The following CDCA3 variants were observed in gnomAD, a reference collection of about 807,000 sequenced individuals.
CDCA3 encodes the protein cell division cycle-associated protein 3.
In CDCA3, 16 loss-of-function variants were observed where a neutral mutation model predicts 29.1. The observed-to-expected ratio is 0.55, with a 90% CI of 0.37 to 0.83. The LOEUF (loss-of-function observed/expected upper bound fraction) is 0.83. Among genes scored for constraint, CDCA3 ranks in the 40% least tolerant of loss-of-function variants. CDCA3 has a pLI of 0.00. For missense variants in CDCA3, 291 were observed against 327.2 expected (o/e 0.89, Z 0.85); for synonymous variants, 88 against 124.5 (o/e 0.71, Z 1.95).
At chr12:6,847,053 G>T, downstream of CDCA3, 1 of 597,106 alleles carries the variant, frequency 1.7e-6, no homozygotes, top group Non-Finnish European at 3.0e-6. Context: ...CTGTGCCTTT[G>T]GGAGGCAGCA....
chr12:6,849,709 C>T lies in CDCA3; in HGVS notation c.400G>A (p.Glu134Lys). The change falls in exon 4 of 6, where the codon GAA (glutamate) becomes AAA (lysine). Residue 134 changes from glutamate (E) to lysine (K), a missense_variant. Coordinates refer to ENST00000538862, the MANE Select transcript of CDCA3 (RefSeq NM_031299.7). This position sits in a 1 kb window ranked among gnomAD's most constrained non-coding sequence, Gnocchi z 5.2. ...LPLGTQLSVE[E>K]QMPPWNQTEF... ...GTCTGGTTCCAAGGTGGCATCTGTT[C>T]CTCAACAGATAACTGGGTACCCAGA... The T allele has an allele frequency of 6.2e-7, 1 of 1,614,038 alleles. No homozygotes were observed. The highest frequency in any genetic ancestry group is 8.5e-7 in the Non-Finnish European group (1 of 1,179,976).
chr12:6,845,109 T>G (rs1294595264), downstream of CDCA3: 1 of 153,698 alleles, frequency 6.5e-6, no homozygotes, highest in Non-Finnish European at 1.4e-5. Context: ...TTTCCCACCT[T>G]TGTCTTTTAT....
In CDCA3 at chr12:6,849,390, A is replaced by G; in HGVS notation, c.584T>C (p.Val195Ala). The G allele has an allele frequency of 6.2e-7, 1 of 1,603,696 alleles. No homozygotes were observed. Among genetic ancestry groups the G allele is most frequent in the Non-Finnish European group, 8.5e-7 (1 of 1,174,800 alleles). Residue 195 changes from valine (V) to alanine (A), a missense_variant, in exon 5 of 6, where the codon GTA becomes GCA. By Grantham distance (64) the Val-to-Ala change is moderately conservative. Transcript: ENST00000538862. This position sits in a 1 kb window ranked among gnomAD's most constrained non-coding sequence, Gnocchi z 5.2. The stretch of plus-strand genomic sequence containing the variant: ...GATGGTGAGGGGGGATCTCCCTAGT[A>G]CCTTGCTGCTGTTTGGTTTCCATCT... Reference protein sequence around the residue: ...RNRWKPNSSKVLGRSPLTILQ... With the variant: ...RNRWKPNSSKALGRSPLTILQ...
chr12:6,847,768 T>C (rs558007879), downstream of CDCA3, among the ~76,000 whole-genome samples: 10 of 152,184 alleles, frequency 6.6e-5, no homozygotes, highest in Admixed American at 1.3e-4. Context: ...CTCAGAAAGA[T>C]TGCTCCAGAT....
At position 6,849,109 on chromosome 12, in the gene CDCA3, T is replaced by C. The variant is rs782164674; in HGVS notation, c.741A>G (p.Gly247=). 3.3e-6 allele frequency: 5 copies of C among 1,528,164 alleles called. No homozygotes were observed. The African/African-American group carries it at 6.8e-5, about 21-fold the overall frequency. The allele number at this position is 1,528,164 out of a possible 1,614,324, so 94.7% of individuals were successfully genotyped here. A position where few individuals can be genotyped will look rare whatever the true frequency, so the allele number is the denominator to read the frequency against. ...LGTGRLLKTG[G]RAWEQGQDHD... ...GGTCCTGGCCTTGCTCCCATGCTCG[T>C]CCTCCAGTTTTCAGAAGTCGTCCAG... is the stretch of plus-strand genomic sequence containing the variant. The change falls in exon 6 of 6, where the codon GGA becomes GGG. Residue 247 remains glycine, a synonymous_variant. Coordinates refer to ENST00000538862, the MANE Select transcript of CDCA3 (RefSeq NM_031299.7). The surrounding 1 kb of genome is among the most constrained non-coding windows in gnomAD (Gnocchi z 5.2).
Position 6,850,378 on chromosome 12 carries a change from T to C in CDCA3, c.250+89A>G. 6.5e-7 allele frequency: 1 copy of C among 1,548,978 alleles called. No individual in the cohort carries two copies. The highest frequency in any genetic ancestry group is 8.8e-7 in the Non-Finnish European group (1 of 1,130,840). Reference sequence around the variant, plus strand: ...CCGAAGCAGGAGGATAGAGGCCCCTTTAAGGAACCCTGAGAGAATGGCTTC... The same window carrying C: ...CCGAAGCAGGAGGATAGAGGCCCCTCTAAGGAACCCTGAGAGAATGGCTTC... On this transcript the variant is annotated intron_variant, in intron 3 of 5. Transcript: ENST00000538862. The surrounding 1 kb of genome is among the most constrained non-coding windows in gnomAD (Gnocchi z 4.7).
In CDCA3 at chr12:6,851,233, T is replaced by A. The variant is rs947692440; in HGVS notation, c.-69A>T. ...TTCAAATCACTTACCGGGCCCCAATTCCACCTCTGGATGCACAACAGCTCG... is the reference window on the plus strand; with the variant it reads ...TTCAAATCACTTACCGGGCCCCAATACCACCTCTGGATGCACAACAGCTCG... On this transcript the variant is annotated 5_prime_UTR_variant, in exon 1 of 6. Transcript: ENST00000538862. 2.6e-5 allele frequency: 31 copies of A among 1,207,248 alleles called. No individual in the cohort carries two copies. The highest frequency in any genetic ancestry group is 3.2e-5 in the Non-Finnish European group (31 of 966,758). 74.8% of individuals were successfully genotyped at this position (1,207,248 alleles called of 1,614,324 possible). A position where few individuals can be genotyped will look rare whatever the true frequency, so the allele number is the denominator to read the frequency against.
chr12:6,845,948 G>T, downstream of CDCA3: 1 of 641,082 alleles, frequency 1.6e-6, no homozygotes, highest in Non-Finnish European at 2.8e-6. Context: ...CTGGAATCCA[G>T]TACCCCTTGG....
downstream of CDCA3, chr12:6,847,115 C>T: frequency 1.8e-6 from 1 of 544,604 alleles, no homozygotes; most frequent in Non-Finnish European, 3.3e-6. Context: ...GGCCTTCCCT[C>T]CCCACAGTCC....
chr12:6,846,057 A>C, downstream of CDCA3: 2 of 494,472 alleles, frequency 4.0e-6, no homozygotes, highest in Non-Finnish European at 7.3e-6. Flanking sequence ...TCTGTGGACC[A>C]TGACTGTCCA....
chr12:6,849,381 C>A lies in CDCA3; in HGVS notation c.593G>T (p.Arg198Ile). 1 of 1,604,088 alleles carries A rather than the reference C, an allele frequency of 6.2e-7. No individual in the cohort carries two copies. The change falls in exon 5 of 6, where the codon AGA becomes ATA. Residue 198 changes from arginine (R) to isoleucine (I), a missense_variant. Transcript: ENST00000538862. The surrounding 1 kb of genome is among the most constrained non-coding windows in gnomAD (Gnocchi z 5.2). The stretch of plus-strand genomic sequence containing the variant: ...ATCCTGCAGGATGGTGAGGGGGGAT[C>A]TCCCTAGTACCTTGCTGCTGTTTGG... ...WKPNSSKVLG[R>I]SPLTILQDDN...
chr12:6,845,278 C>T (rs1036082199), downstream of CDCA3: 24 of 356,098 alleles, frequency 6.7e-5, no homozygotes, highest in Non-Finnish European at 1.3e-4. Flanking sequence ...GTCTGGGAGT[C>T]TGGGACAACC....
In CDCA3 at chr12:6,850,987, A is replaced by G. The variant is rs782248865; in HGVS notation, c.-35T>C. Reference sequence around the variant, plus strand: ...GAGTTGCAGGGTGGGGGCAAGGGCCAGCCCGGGACGAGGAGGGAATGCCTG... The same window carrying G: ...GAGTTGCAGGGTGGGGGCAAGGGCCGGCCCGGGACGAGGAGGGAATGCCTG... On this transcript the variant is annotated 5_prime_UTR_variant, in exon 2 of 6. Coordinates refer to ENST00000538862, the MANE Select transcript of CDCA3 (RefSeq NM_031299.7). This position sits in a 1 kb window ranked among gnomAD's most constrained non-coding sequence, Gnocchi z 4.7. 2 of 1,593,524 alleles carry G rather than the reference A, an allele frequency of 1.3e-6. No homozygotes were observed. The highest frequency in any genetic ancestry group is 2.2e-5 in the East Asian group (1 of 44,634).
At chr12:6,845,998 C>G, downstream of CDCA3, 1 of 588,096 alleles carries the variant, frequency 1.7e-6, no homozygotes, top group East Asian at 2.8e-5. Flanking sequence ...TTGCTCTAAG[C>G]AGCCTCTCTC....
Position 6,849,988 on chromosome 12 carries a change from A to C in CDCA3, c.251-130T>G. On this transcript the variant is annotated intron_variant, in intron 3 of 5. Coordinates refer to ENST00000538862, the MANE Select transcript of CDCA3 (RefSeq NM_031299.7). This position sits in a 1 kb window ranked among gnomAD's most constrained non-coding sequence, Gnocchi z 5.2. ...TGGGAAGAGAGAAATCAAGGAAATC[A>C]AGGTGAAAGGGAGCAATTTTTTTTT... 5.7e-6 allele frequency: 5 copies of C among 874,046 alleles called. No individual in the cohort carries two copies. Among genetic ancestry groups the C allele is most frequent in the Non-Finnish European group, 8.3e-6 (5 of 605,502 alleles). 54.1% of individuals were successfully genotyped at this position (874,046 alleles called of 1,614,324 possible).
In CDCA3 at chr12:6,850,822, GC is replaced by G. The variant is rs1943851830; in HGVS notation, c.120+10del. The G allele has an allele frequency of 1.2e-6, 2 of 1,613,026 alleles. No individual in the cohort carries two copies. The highest frequency in any genetic ancestry group is 1.1e-5 in the South Asian group (1 of 91,002). Reference sequence around the variant, plus strand: ...GACATTCTCTGCCTTTCCCACGCTGGCCCAGAGTACCTGGATGGGAGTGCGC... The same window carrying G: ...GACATTCTCTGCCTTTCCCACGCTGGCCAGAGTACCTGGATGGGAGTGCGC... On this transcript the variant is annotated intron_variant, in intron 2 of 5. Transcript: ENST00000538862. This position sits in a 1 kb window ranked among gnomAD's most constrained non-coding sequence, Gnocchi z 4.7.
chr12:6,845,843 AC>A (rs782087746), downstream of CDCA3: 9 of 1,422,786 alleles, frequency 6.3e-6, no homozygotes, highest in Middle Eastern at 1.8e-4. Context: ...AGCTGGAAGG[AC>A]CCTCCCCAGC....
rs2138004703 is a variant in CDCA3, at chr12:6,849,936, G to A, written c.251-78C>T. 1.7e-5 allele frequency: 22 copies of A among 1,288,716 alleles called. No individual in the cohort carries two copies. In the South Asian group the frequency reaches 3.7e-4, roughly 22 times the overall value. 79.8% of individuals were successfully genotyped at this position (1,288,716 alleles called of 1,614,324 possible). On this transcript the variant is annotated intron_variant, in intron 3 of 5. Coordinates refer to ENST00000538862, the MANE Select transcript of CDCA3 (RefSeq NM_031299.7). This position sits in a 1 kb window ranked among gnomAD's most constrained non-coding sequence, Gnocchi z 5.2. ...AAGGAGCAAAACATACAGAAACCCA[G>A]GACTCATGCCCAGGAGGGTGAGCAA...
downstream of CDCA3, chr12:6,845,712 G>A (rs201226859): frequency 9.3e-6 from 15 of 1,614,062 alleles, no homozygotes; most frequent in Middle Eastern, 1.6e-4. Context: ...CATCACGTCC[G>A]TGGCCTTCTC....
Sources: allele counts gnomAD v4.1 joint callset (sites outside exome capture counted in the v4.1 genomes callset), GRCh38; gene constraint gnomAD v4.1.1; non-coding constraint Gnocchi (gnomAD v3.1); transcripts MANE v1.5; gene names NCBI Gene and HGNC (gene_info 2026-07-23, HGNC 2026-07-21).